STOX1: variants seen among roughly 807,000 people sequenced by gnomAD.
STOX1 encodes the protein storkhead-box protein 1.
In STOX1, 57 loss-of-function variants were observed where a neutral mutation model predicts 74.8. The observed-to-expected ratio is 0.76, with a 90% CI of 0.62 to 0.95. The LOEUF is 0.95. Ranked by LOEUF, STOX1 falls within the 40% of genes least tolerant of loss-of-function variation. The pLI is 0.00. For missense variants in STOX1, 1,010 were observed against 1,117.0 expected (o/e 0.90, Z 1.37); for synonymous variants, 375 against 401.3 (o/e 0.93, Z 0.78).
At chr10:68,840,033 C>T (rs936214700) in intron 1 of STOX1, among the ~76,000 whole-genome samples, 3 of 152,166 alleles carry the variant, frequency 2.0e-5, no homozygotes, top group Non-Finnish European at 4.4e-5. Context: ...AATAAACCCA[C>T]ACATATACAG....
downstream of STOX1, among the ~76,000 whole-genome samples, chr10:68,894,680 A>G (rs1841162295): frequency 6.6e-6 from 1 of 152,218 alleles, no homozygotes; most frequent in African/African-American, 2.4e-5. Flanking sequence ...GGGGTCTCAC[A>G]GCATGGAATC....
At chr10:68,863,731 G>A (rs1003163297) in intron 1 of STOX1, among the ~76,000 whole-genome samples, 3 of 152,070 alleles carry the variant, frequency 2.0e-5, no homozygotes, top group Non-Finnish European at 2.9e-5. Context: ...TTGCTCATCT[G>A]TATGGAATCG....
intron 1 of STOX1, among the ~76,000 whole-genome samples, chr10:68,864,847 A>G (rs1840362669): frequency 6.6e-6 from 1 of 152,242 alleles, no homozygotes; most frequent in Admixed American, 6.5e-5. Context: ...TACTCATGGC[A>G]TAAGTAGGAA....
chr10:68,860,137 G>A (rs752474356), intron 1 of STOX1, among the ~76,000 whole-genome samples: 9 of 151,478 alleles, frequency 5.9e-5, no homozygotes, highest in African/African-American at 9.7e-5. Flanking sequence ...GCATGGTGGC[G>A]GGTGCTTGTA....
In STOX1 at chr10:68,865,156, C is replaced by T. The variant is rs187802964; in HGVS notation, c.311-16802C>T. ...AATGTAACACTGTGAAAATCTTTTA[C>T]GAGTAGGTTCAATTGCTTGCCCTAC... On this transcript the variant is annotated intron_variant, in intron 1 of 3. Coordinates refer to ENST00000298596, the MANE Select transcript of STOX1 (RefSeq NM_152709.5). 5.9e-4 allele frequency among the ~76,000 whole-genome samples: 90 copies of T among 152,278 alleles called. 2 individuals carry two copies. Among genetic ancestry groups the T allele is most frequent in the African/African-American group, 2.0e-3 (83 of 41,562 alleles).
intron 1 of STOX1, among the ~76,000 whole-genome samples, chr10:68,829,493 G>A (rs1839351100): frequency 1.3e-5 from 2 of 151,962 alleles, no homozygotes; most frequent in Non-Finnish European, 2.9e-5. Context: ...CTCCAGCCTG[G>A]GTGACAAGAG....
intron 1 of STOX1, among the ~76,000 whole-genome samples, chr10:68,844,721 G>T (rs1357858160): frequency 6.6e-6 from 1 of 151,918 alleles, no homozygotes; most frequent in East Asian, 1.9e-4. Context: ...TGTGTGTTTT[G>T]CAAATGTTTT....
chr10:68,852,868 C>A (rs1040531231), intron 1 of STOX1, among the ~76,000 whole-genome samples: 2 of 151,840 alleles, frequency 1.3e-5, no homozygotes, highest in Admixed American at 1.3e-4. Context: ...CATAGGGAAG[C>A]CTTACTTGGC....
chr10:68,850,316 G>C (rs1342451308), intron 1 of STOX1, among the ~76,000 whole-genome samples: 1 of 152,020 alleles, frequency 6.6e-6, no homozygotes, highest in African/African-American at 2.4e-5. Context: ...AATGTTTTTT[G>C]TTTTTAAACC....
At chr10:68,852,173 C>T (rs34851444) in intron 1 of STOX1, among the ~76,000 whole-genome samples, 12,320 of 150,102 alleles carry the variant, frequency 0.082, 519 homozygotes, top group Middle Eastern at 0.11. Context: ...CTTCTGACCT[C>T]TGTTGTTTCT....
At chr10:68,849,224 T>C (rs538538278) in intron 1 of STOX1, among the ~76,000 whole-genome samples, 1 of 152,304 alleles carries the variant, frequency 6.6e-6, no homozygotes, top group East Asian at 1.9e-4. Context: ...TGGCCCTGTG[T>C]GTCCATGAGA....
intron 1 of STOX1, among the ~76,000 whole-genome samples, chr10:68,860,594 G>GT (rs931113714): frequency 7.0e-6 from 1 of 142,432 alleles, no homozygotes; most frequent in African/African-American, 2.6e-5. Context: ...AAAAAAAAAG[G>GT]TCTAATTGGC....
intron 1 of STOX1, among the ~76,000 whole-genome samples, chr10:68,860,897 A>G (rs1481990723): frequency 2.0e-5 from 3 of 151,918 alleles, no homozygotes; most frequent in East Asian, 1.9e-4. Context: ...CAAATAGGCT[A>G]TGGGAGTTGG....
chr10:68,885,052 C>G lies in STOX1; in HGVS notation c.1256C>G (p.Ser419Cys), dbSNP rs375540452. 1.4e-5 allele frequency: 22 copies of G among 1,613,992 alleles called. No individual in the cohort carries two copies. The African/African-American group carries it at 2.8e-4, about 21-fold the overall frequency. Residue 419 changes from serine to cysteine, a missense_variant, in exon 3 of 4, where the codon TCT (serine) becomes TGT (cysteine). Coordinates refer to ENST00000298596, the MANE Select transcript of STOX1 (RefSeq NM_152709.5). The stretch of plus-strand genomic sequence containing the variant: ...GGGGTTAAGAAAAGGCAGGGTCTGT[C>G]TGCAAAACCTCAAGGGCAGGGCCAT... ...KEGVKKRQGL[S>C]AKPQGQGHSR...
At chr10:68,882,643 C>T (rs1204673533) in intron 2 of STOX1, among the ~76,000 whole-genome samples, 3 of 151,674 alleles carry the variant, frequency 2.0e-5, no homozygotes, top group Non-Finnish European at 2.9e-5. Context: ...GGATTACAGG[C>T]GCCTGCCAGC....
chr10:68,857,993 G>A (rs1003332272), intron 1 of STOX1, among the ~76,000 whole-genome samples: 1 of 152,098 alleles, frequency 6.6e-6, no homozygotes, highest in African/African-American at 2.4e-5. Flanking sequence ...AATAAGGCAG[G>A]AAGCAAGTGT....
chr10:68,830,112 C>T (rs1839367306), intron 1 of STOX1, among the ~76,000 whole-genome samples: 1 of 152,088 alleles, frequency 6.6e-6, no homozygotes, highest in Non-Finnish European at 1.5e-5. Flanking sequence ...ATGCTGGTGT[C>T]TGTGTTGGTG....
rs562328973 is a variant in STOX1, at chr10:68,847,410, T to G, written c.310+19477T>G. Among the ~76,000 whole-genome samples the G allele has an allele frequency of 2.4e-3, 353 of 145,774 alleles. 3 individuals are homozygous for G. Among genetic ancestry groups the G allele is most frequent in the African/African-American group, 9.1e-3 (325 of 35,548 alleles). On this transcript the variant is annotated intron_variant, in intron 1 of 3. Transcript: ENST00000298596. ...TTGGGGATTGGAAGGTAGAAGGTTT[T>G]GTTTTGTTTTGTTTTGTTTTTCTCG...
intron 1 of STOX1, among the ~76,000 whole-genome samples, chr10:68,873,444 G>A (rs530351226): frequency 2.3e-4 from 34 of 150,814 alleles, no homozygotes; most frequent in African/African-American, 8.3e-4. Context: ...TGTATTTTTA[G>A]TAGAGATGGG....
Sources: gnomAD v4.1 joint callset for allele counts (sites outside exome capture counted in the v4.1 genomes callset) on GRCh38, gnomAD v4.1.1 for gene constraint, MANE v1.5 for transcripts, NCBI Gene and HGNC (gene_info 2026-07-23, HGNC 2026-07-21) for gene names.